The following ADAMTS9 variants were observed in gnomAD, a reference collection of about 807,000 sequenced individuals.
ADAMTS9 encodes the protein A disintegrin and metalloproteinase with thrombospondin motifs 9.
Under a neutral mutation model 257.1 loss-of-function variants are expected in ADAMTS9, and 107 were observed. That is an observed-to-expected ratio of 0.42 (90% confidence interval 0.36 to 0.49). The LOEUF is 0.49. Ranked by LOEUF, ADAMTS9 falls within the 20% of genes least tolerant of loss-of-function variation. The pLI, the probability that ADAMTS9 is intolerant of heterozygous loss-of-function variation, is 0.03. For synonymous variants in ADAMTS9, 982 were observed against 880.9 expected (o/e 1.11, Z -2.03); for missense variants, 2,353 against 2,469.1 (o/e 0.95, Z 1.00).
At chr3:64,630,744 C>T (rs1218711056) in intron 16 of ADAMTS9, among the ~76,000 whole-genome samples, 1 of 152,028 alleles carries the variant, frequency 6.6e-6, no homozygotes, top group South Asian at 2.1e-4. Flanking sequence ...ATGTAACAAA[C>T]CCGCACATCT....
At chr3:64,674,708 G>T (rs950994109) in intron 3 of ADAMTS9, among the ~76,000 whole-genome samples, 1 of 152,176 alleles carries the variant, frequency 6.6e-6, no homozygotes, top group Non-Finnish European at 1.5e-5. Flanking sequence ...TGGGGCCCAG[G>T]CAGGATTCTG....
intron 30 of ADAMTS9, among the ~76,000 whole-genome samples, chr3:64,555,634 C>T (rs994856429): frequency 2.6e-5 from 4 of 152,052 alleles, no homozygotes; most frequent in African/African-American, 7.2e-5. Flanking sequence ...TAAGAAGCCA[C>T]CAGGGAGAGA....
chr3:64,625,867 C>T (rs1323592196), intron 16 of ADAMTS9, among the ~76,000 whole-genome samples: 1 of 152,220 alleles, frequency 6.6e-6, no homozygotes, highest in African/African-American at 2.4e-5. Context: ...CTTCACCTAT[C>T]TTCCTAGTCT....
intron 19 of ADAMTS9, 136 bp downstream of exon 19, chr3:64,620,978 G>T: frequency 1.8e-6 from 2 of 1,105,708 alleles, no homozygotes; most frequent in Non-Finnish European, 2.6e-6. Context: ...ATGGAGAATT[G>T]GTTAAAGCTT....
chr3:64,648,531 A>G (rs563849534), intron 10 of ADAMTS9, among the ~76,000 whole-genome samples: 1 of 152,344 alleles, frequency 6.6e-6, no homozygotes, highest in African/African-American at 2.4e-5. Context: ...TGCTATATTT[A>G]GCTCTATTTC....
chr3:64,612,766 AC>A (rs775072224), intron 22 of ADAMTS9, among the ~76,000 whole-genome samples: 1 of 152,148 alleles, frequency 6.6e-6, no homozygotes, highest in Non-Finnish European at 1.5e-5. Context: ...CCCAAGGGAG[AC>A]TTTCACTCTC....
At chr3:64,520,681 A>G (rs1289063093) in intron 39 of ADAMTS9, among the ~76,000 whole-genome samples, 2 of 152,150 alleles carry the variant, frequency 1.3e-5, no homozygotes, top group Non-Finnish European at 2.9e-5. Flanking sequence ...CACAATCAAC[A>G]AAAATAAACA....
At chr3:64,569,924 C>T (rs930235099) in intron 28 of ADAMTS9, among the ~76,000 whole-genome samples, 2 of 152,150 alleles carry the variant, frequency 1.3e-5, no homozygotes, top group Non-Finnish European at 2.9e-5. Context: ...ATTCATCATT[C>T]AACCTGTAGT....
At chr3:64,664,494 CT>C (rs1388221621) in intron 3 of ADAMTS9, among the ~76,000 whole-genome samples, 2 of 152,096 alleles carry the variant, frequency 1.3e-5, no homozygotes, top group African/African-American at 4.8e-5. Context: ...ATGAATTTGC[CT>C]ATTCTGACAT....
At chr3:64,606,936 C>G (rs769211718) in intron 23 of ADAMTS9, 24 bp downstream of exon 23, 1 of 1,612,390 alleles carries the variant, frequency 6.2e-7, no homozygotes, top group Non-Finnish European at 8.5e-7. Context: ...AAGTCAATAA[C>G]TGAGTTGGAC....
intron 31 of ADAMTS9, among the ~76,000 whole-genome samples, chr3:64,549,423 T>C (rs1292561509): frequency 2.0e-5 from 3 of 152,052 alleles, no homozygotes; most frequent in Admixed American, 6.6e-5. Context: ...TCCCCCTGCG[T>C]TGGGATCTGG....
chr3:64,653,370 G>A (rs935446837), intron 8 of ADAMTS9, among the ~76,000 whole-genome samples: 11 of 152,156 alleles, frequency 7.2e-5, no homozygotes, highest in Non-Finnish European at 1.0e-4. Context: ...TAAATATGAG[G>A]CATTTGACTG....
chr3:64,632,226 A>T (rs1559801561), intron 14 of ADAMTS9, among the ~76,000 whole-genome samples: 2 of 152,198 alleles, frequency 1.3e-5, no homozygotes, highest in African/African-American at 4.8e-5. Context: ...TACAGATAAA[A>T]GTTTGAAAAG....
intron 3 of ADAMTS9, among the ~76,000 whole-genome samples, chr3:64,680,569 C>G (rs532967120): frequency 6.6e-6 from 1 of 152,140 alleles, no homozygotes; most frequent in African/African-American, 2.4e-5. Context: ...AACATGTCAG[C>G]GCAAAACCTC....
intron 28 of ADAMTS9, among the ~76,000 whole-genome samples, chr3:64,593,940 CTA>C (rs1325325637): frequency 8.3e-6 from 1 of 120,302 alleles, no homozygotes; most frequent in Non-Finnish European, 1.6e-5. Context: ...GTTAAAATCA[CTA>C]TGTATGTGTG....
intron 3 of ADAMTS9, among the ~76,000 whole-genome samples, chr3:64,675,549 T>C (rs1312207240): frequency 1.3e-5 from 2 of 152,114 alleles, no homozygotes; most frequent in Non-Finnish European, 2.9e-5. Flanking sequence ...AGCCCTGGAA[T>C]TGAAGGCTAT....
At chr3:64,557,657 C>T (rs1466928789) in intron 30 of ADAMTS9, among the ~76,000 whole-genome samples, 1 of 152,176 alleles carries the variant, frequency 6.6e-6, no homozygotes, top group South Asian at 2.1e-4. Context: ...ATGTGCTAGT[C>T]ACCATGTCGA....
intron 26 of ADAMTS9, among the ~76,000 whole-genome samples, chr3:64,598,728 G>A (rs143520087): frequency 2.6e-5 from 4 of 152,160 alleles, no homozygotes; most frequent in Admixed American, 2.0e-4. Flanking sequence ...GTTAGGAAGG[G>A]CCTTTCATGG....
In ADAMTS9 at chr3:64,622,190, G is replaced by A. The variant is rs1700125027; in HGVS notation, c.2686+8C>T. On this transcript the variant is annotated splice_region_variant and intron_variant, in intron 18 of 39. Coordinates refer to ENST00000498707, the MANE Select transcript of ADAMTS9 (RefSeq NM_182920.2). The stretch of plus-strand genomic sequence containing the variant: ...CAAATCCCCAGAACTCAAATTCAAA[G>A]CAGATACCTTGGCAGGGTTTACTGC... The A allele has an allele frequency of 1.2e-6, 2 of 1,603,116 alleles. No individual in the cohort carries two copies. The highest frequency in any genetic ancestry group is 1.3e-5 in the African/African-American group (1 of 74,480).
Sources: allele counts gnomAD v4.1 joint callset (sites outside exome capture counted in the v4.1 genomes callset), GRCh38; gene constraint gnomAD v4.1.1; transcripts MANE v1.5; gene names NCBI Gene and HGNC (gene_info 2026-07-23, HGNC 2026-07-21).